RBFOX3: variants seen among roughly 807,000 people sequenced by gnomAD.
RBFOX3 encodes RNA binding fox-1 homolog 3.
A neutral mutation model predicts 48.7 loss-of-function variants in RBFOX3; 17 were observed. That is an observed-to-expected ratio of 0.35 (90% CI 0.24 to 0.52). The LOEUF (loss-of-function observed/expected upper bound fraction) is 0.52. Among genes scored for constraint, RBFOX3 ranks in the 20% least tolerant of loss-of-function variants. RBFOX3 has a pLI of 0.94. For missense variants in RBFOX3, 382 were observed against 497.5 expected, an observed-to-expected ratio of 0.77 and a Z score of 2.21; for synonymous variants, 212 against 209.5, an observed-to-expected ratio of 1.01 and a Z score of -0.10.
intron 1 of RBFOX3, chr17:79,601,072 GAGGAATGAATGCCTC>G (rs1290484352): frequency 6.6e-6 from 1 of 152,380 alleles, no homozygotes; most frequent in African/African-American, 2.4e-5. Context: ...GGCCCCTGCG[GAGGAATGAATGCCTC>G]AGCCCGACTG....
intron 4 of RBFOX3, among the ~76,000 whole-genome samples, chr17:79,140,939 C>T (rs1176044889): frequency 6.6e-6 from 1 of 152,202 alleles, no homozygotes; most frequent in Non-Finnish European, 1.5e-5. Flanking sequence ...CAGAGGTCCT[C>T]TCCTACCAAT....
chr17:79,498,039 G>A (rs2081816280), intron 1 of RBFOX3, among the ~76,000 whole-genome samples: 1 of 152,230 alleles, frequency 6.6e-6, no homozygotes, highest in Non-Finnish European at 1.5e-5. Context: ...AAAGCAGACA[G>A]GAGAGGAGCA....
chr17:79,550,570 C>T (rs903842296), intron 1 of RBFOX3, among the ~76,000 whole-genome samples: 40 of 152,132 alleles, frequency 2.6e-4, no homozygotes, highest in East Asian at 1.3e-3. Flanking sequence ...TACGGAATGA[C>T]GGAATGACAA....
At chr17:79,440,432 C>T (rs1242335497) in intron 2 of RBFOX3, among the ~76,000 whole-genome samples, 5 of 152,272 alleles carry the variant, frequency 3.3e-5, no homozygotes, top group Non-Finnish European at 7.4e-5. Flanking sequence ...CTAGCCAGCT[C>T]CCTGCCAGCT....
chr17:79,241,941 A>G (rs563011164), intron 3 of RBFOX3, among the ~76,000 whole-genome samples: 38 of 152,358 alleles, frequency 2.5e-4, no homozygotes, highest in African/African-American at 8.4e-4. Flanking sequence ...ATCTCCAGAT[A>G]TCATCCCTTA....
At position 79,311,453 on chromosome 17, in the gene RBFOX3, A is replaced by G. The variant is rs145179311; in HGVS notation, c.-174-3629T>C. On this transcript the variant is annotated intron_variant, in intron 2 of 14. Coordinates refer to ENST00000693108, the MANE Select transcript of RBFOX3 (RefSeq NM_001350451.2). The surrounding 1 kb of genome is among the most constrained non-coding windows in gnomAD (Gnocchi z 4.2). Reference sequence around the variant, plus strand: ...CATCTCCAAAAAAAAAAAAAAAAAAAACAGACTGCAGCACCAATTCCTGCC... The same window carrying G: ...CATCTCCAAAAAAAAAAAAAAAAAAGACAGACTGCAGCACCAATTCCTGCC... Among the ~76,000 whole-genome samples the G allele has an allele frequency of 6.9e-6, 1 of 144,852 alleles. No homozygotes were observed. Among genetic ancestry groups the G allele is most frequent in the African/African-American group, 2.6e-5 (1 of 39,170 alleles).
chr17:79,103,324 A>G lies in RBFOX3; in HGVS notation c.415-70T>C, dbSNP rs2076783949. The G allele has an allele frequency of 2.1e-6, 2 of 943,178 alleles. No homozygotes were observed. The highest frequency in any genetic ancestry group is 5.6e-5 in the East Asian group (2 of 35,574). The allele number at this position is 943,178 out of a possible 1,614,324, so 58.4% of individuals were successfully genotyped here. ...CAGGGCGAGAAAGAGGAGGAAGACG[A>G]GGAAGAAGAGGAGTGGGAGGGGGGC... is the stretch of plus-strand genomic sequence containing the variant. On this transcript the variant is annotated intron_variant, in intron 7 of 14. Transcript: ENST00000693108. The surrounding 1 kb of genome is among the most constrained non-coding windows in gnomAD (Gnocchi z 6.1).
rs140984478 is a variant in RBFOX3, at chr17:79,353,580, G to A, written c.-174-45756C>T. ...AGAAATACCCATCACTCATGCAGAT[G>A]CTGCAGTGAAGCTGCAGACCAAACA... is the stretch of plus-strand genomic sequence containing the variant. On this transcript the variant is annotated intron_variant, in intron 2 of 14. Transcript: ENST00000693108. Among the ~76,000 whole-genome samples, 378 of 152,364 alleles carry A rather than the reference G, an allele frequency of 2.5e-3. 1 individual carries two copies. Among genetic ancestry groups the A allele is most frequent in the African/African-American group, 8.6e-3 (359 of 41,586 alleles).
intron 2 of RBFOX3, among the ~76,000 whole-genome samples, chr17:79,321,987 G>A (rs1598255211): frequency 6.6e-6 from 1 of 152,208 alleles, no homozygotes; most frequent in Non-Finnish European, 1.5e-5. Flanking sequence ...ATACAGGCAT[G>A]AGCCACCATG....
intron 1 of RBFOX3, among the ~76,000 whole-genome samples, chr17:79,587,632 C>T (rs1202399885): frequency 6.6e-6 from 1 of 152,198 alleles, no homozygotes; most frequent in African/African-American, 2.4e-5. Flanking sequence ...AGGCGAGGTC[C>T]CCCCACGGAG....
intron 14 of RBFOX3, among the ~76,000 whole-genome samples, chr17:79,093,465 G>C (rs536611099): frequency 6.6e-6 from 1 of 151,928 alleles, no homozygotes. Context: ...ACCTCCATCC[G>C]GGTGGGGCCG....
chr17:79,454,144 C>G (rs1001129222), intron 2 of RBFOX3, among the ~76,000 whole-genome samples: 3 of 152,156 alleles, frequency 2.0e-5, no homozygotes, highest in African/African-American at 7.2e-5. Context: ...CCCATGCCAA[C>G]CTGGCACCTC....
intron 1 of RBFOX3, among the ~76,000 whole-genome samples, chr17:79,576,972 G>C (rs2092883255): frequency 6.6e-6 from 1 of 152,064 alleles, no homozygotes; most frequent in African/African-American, 2.4e-5. Flanking sequence ...TAAAAATGGG[G>C]TTCCCGAGAG....
Position 79,090,841 on chromosome 17 carries a change from G to C in RBFOX3, c.*42C>G. 1 of 1,466,158 alleles carries C rather than the reference G, an allele frequency of 6.8e-7. No individual in the cohort carries two copies. The highest frequency in any genetic ancestry group is 1.4e-5 in the South Asian group (1 of 70,566). 90.8% of individuals were successfully genotyped at this position (1,466,158 alleles called of 1,614,324 possible). A position where few individuals can be genotyped will look rare whatever the true frequency, so the allele number is the denominator to read the frequency against. ...GTTTTGTGATTTTTTTTGTTTTTTT[G>C]TTTTTGCCCTTCATGGTCCGAGAAG... is the stretch of plus-strand genomic sequence containing the variant. On this transcript the variant is annotated 3_prime_UTR_variant, in exon 15 of 15. Transcript: ENST00000693108.
chr17:79,442,244 A>G (rs1239493143), intron 2 of RBFOX3, among the ~76,000 whole-genome samples: 2,728 of 4,630 alleles, frequency 0.59, 727 homozygotes, highest in Middle Eastern at 0.75. Flanking sequence ...AGAGAGAGAG[A>G]GAGAGAGAGA....
chr17:79,608,939 C>T (rs2093904689), intron 1 of RBFOX3, among the ~76,000 whole-genome samples: 1 of 151,548 alleles, frequency 6.6e-6, no homozygotes, highest in African/African-American at 2.4e-5. Flanking sequence ...CCCGCCATGC[C>T]GCCCCCACGC....
chr17:79,141,730 A>G (rs1253803166), intron 4 of RBFOX3, among the ~76,000 whole-genome samples: 2 of 152,176 alleles, frequency 1.3e-5, no homozygotes, highest in South Asian at 2.1e-4. Context: ...TAAAGCAGGC[A>G]TAAGACAGCC....
At chr17:79,307,564 T>G (rs748749689) in intron 3 of RBFOX3, among the ~76,000 whole-genome samples, 160 bp downstream of exon 3, 1 of 152,186 alleles carries the variant, frequency 6.6e-6, no homozygotes, top group Admixed American at 6.5e-5. Context: ...GGGAACCCCA[T>G]GGTGGGGACC....
intron 2 of RBFOX3, among the ~76,000 whole-genome samples, chr17:79,322,259 G>GGAGA (rs56112605): frequency 6.6e-6 from 1 of 151,166 alleles, no homozygotes; most frequent in Non-Finnish European, 1.5e-5. Context: ...AGGAAAGAAG[G>GGAGA]GAGAGAGAGA....
Sources: gnomAD v4.1 joint callset for allele counts (sites outside exome capture counted in the v4.1 genomes callset) on GRCh38, gnomAD v4.1.1 for gene constraint, Gnocchi (gnomAD v3.1) non-coding constraint, MANE v1.5 for transcripts, NCBI Gene and HGNC (gene_info 2026-07-23, HGNC 2026-07-21) for gene names.